Variants in PSMD12 observed in about 807,000 individuals in gnomAD.
The protein encoded by PSMD12 is proteasome 26S subunit, non-ATPase 12.
A neutral mutation model predicts 62.9 loss-of-function variants in PSMD12; 8 were observed. That is an observed-to-expected ratio of 0.13 (90% CI 0.07 to 0.23). The LOEUF (loss-of-function observed/expected upper bound fraction) is 0.23, where lower values mean the gene tolerates loss of function less well. Among genes scored for constraint, PSMD12 ranks in the 10% least tolerant of loss-of-function variants. The probability of loss-of-function intolerance (pLI) is 1.00; values close to 1 mark genes in which losing one functional copy is unlikely to be tolerated. For missense variants in PSMD12, 424 were observed against 550.2 expected (o/e 0.77, Z 2.29); for synonymous variants, 173 against 187.4 (o/e 0.92, Z 0.63).
At chr17:67,358,787 A>C (rs1253399845) in intron 1 of PSMD12, among the ~76,000 whole-genome samples, 4 of 152,152 alleles carry the variant, frequency 2.6e-5, no homozygotes, top group Non-Finnish European at 5.9e-5. Flanking sequence ...AAATGAAGGC[A>C]TCTGAGAACA....
intron 3 of PSMD12, among the ~76,000 whole-genome samples, chr17:67,350,942 G>A (rs113314548): frequency 0.021 from 3,146 of 152,222 alleles, 49 homozygotes; most frequent in Admixed American, 0.032. Context: ...AGTCTCTGTG[G>A]CAACTATTCA....
chr17:67,347,799 C>A lies in PSMD12; in HGVS notation c.511-314G>T, dbSNP rs895359178. 3.3e-5 allele frequency among the ~76,000 whole-genome samples: 5 copies of A among 152,156 alleles called. No individual in the cohort carries two copies. In the East Asian group the frequency reaches 9.6e-4, roughly 29 times the overall value. On this transcript the variant is annotated intron_variant, in intron 5 of 10. Coordinates refer to ENST00000356126, the MANE Select transcript of PSMD12 (RefSeq NM_002816.5). ...TCCCTTTATAATCACACACTTCCCC[C>A]ACTCATAAGCCCTCCTAAGACATCC...
At chr17:67,363,467 T>C (rs1208234125) in intron 1 of PSMD12, among the ~76,000 whole-genome samples, 1 of 152,186 alleles carries the variant, frequency 6.6e-6, no homozygotes, top group Non-Finnish European at 1.5e-5. Flanking sequence ...AAAAATGCCT[T>C]AAGGAAATTA....
intron 1 of PSMD12, among the ~76,000 whole-genome samples, chr17:67,365,084 G>A (rs1230630007): frequency 6.6e-6 from 1 of 151,776 alleles, no homozygotes; most frequent in Non-Finnish European, 1.5e-5. Context: ...CTCGGGAGGC[G>A]GAGGCAGGAG....
rs533064958 is a variant in PSMD12 at position 67,340,854 on chromosome 17, T to C, written c.1360A>G (p.Asn454Asp). ...AAGCACTAAGACCCTTATTGTAGAT[T>C]ATGTATCATCTCCTCTTTGGCTATG... ...HLIAKEEMIH[N>D]LQ Residue 454 changes from asparagine to aspartate, a missense_variant, in exon 11 of 11, where the codon AAT becomes GAT. Coordinates refer to ENST00000356126, the MANE Select transcript of PSMD12 (RefSeq NM_002816.5). 6.3e-7 allele frequency: 1 copy of C among 1,576,806 alleles called. No homozygotes were observed. Among genetic ancestry groups the C allele is most frequent in the East Asian group, 2.3e-5 (1 of 43,612 alleles).
Position 67,353,372 on chromosome 17 carries a change from T to A in PSMD12, c.298-3036A>T, listed in dbSNP as rs182048689. ...CTCTGTCGCCCAGGCTAGAGTGCGA[T>A]CTTGGCTCACTGCAGCTTCCGCCTC... On this transcript the variant is annotated intron_variant, in intron 3 of 10. Transcript: ENST00000356126. 1.5e-3 allele frequency among the ~76,000 whole-genome samples: 223 copies of A among 150,678 alleles called. 1 individual carries two copies. The highest frequency in any genetic ancestry group is 5.1e-3 in the African/African-American group (212 of 41,168).
chr17:67,355,841 T>G (rs745851517), intron 3 of PSMD12, among the ~76,000 whole-genome samples: 23 of 151,892 alleles, frequency 1.5e-4, no homozygotes, highest in Non-Finnish European at 2.9e-4. Context: ...CAAAAATAAG[T>G]TGGAAGCCGG....
chr17:67,354,333 CTA>C (rs1334450114), intron 3 of PSMD12, among the ~76,000 whole-genome samples: 1 of 151,794 alleles, frequency 6.6e-6, no homozygotes, highest in Non-Finnish European at 1.5e-5. Context: ...CTGCTTGAGC[CTA>C]TGAGATTGAG....
At chr17:67,347,694 A>T (rs2041981277) in intron 5 of PSMD12, among the ~76,000 whole-genome samples, 1 of 152,208 alleles carries the variant, frequency 6.6e-6, no homozygotes, top group Admixed American at 6.5e-5. Context: ...ATAAAATTCT[A>T]TGAATTTTAA....
rs776172270 is a variant in PSMD12 at position 67,342,248 on chromosome 17, C to T, written c.1099G>A (p.Ala367Thr). ...RVVEHNIRIM[A>T]KYYTRITMKR... Reference sequence around the variant, plus strand: ...ATTGTTATCCGAGTATAATACTTGGCCATTATTCTAATATTCTGGGGAGAG... The same window carrying T: ...ATTGTTATCCGAGTATAATACTTGGTCATTATTCTAATATTCTGGGGAGAG... The change falls in exon 10 of 11, where the codon GCC becomes ACC. Residue 367 changes from alanine (A) to threonine (T), a missense_variant. Physicochemically the swap from Ala to Thr is moderately conservative, Grantham distance 58 (BLOSUM62 0). Coordinates refer to ENST00000356126, the MANE Select transcript of PSMD12 (RefSeq NM_002816.5). The T allele has an allele frequency of 6.1e-5, 96 of 1,578,944 alleles. No individual in the cohort carries two copies. The highest frequency in any genetic ancestry group is 8.2e-5 in the Non-Finnish European group (94 of 1,148,686).
intron 3 of PSMD12, among the ~76,000 whole-genome samples, chr17:67,353,223 G>C (rs1598567734): frequency 6.6e-6 from 1 of 152,134 alleles, no homozygotes; most frequent in Non-Finnish European, 1.5e-5. Context: ...CCTTGGGCTC[G>C]AGTGACAGAC....
intron 8 of PSMD12, 97 bp downstream of exon 8, chr17:67,345,648 A>C: frequency 1.0e-6 from 1 of 968,802 alleles, no homozygotes; most frequent in Non-Finnish European, 1.6e-6. Context: ...ATCTCAAAAA[A>C]AGAAGTATAC....
At chr17:67,347,886 C>T (rs1393715205) in intron 5 of PSMD12, among the ~76,000 whole-genome samples, 1 of 152,182 alleles carries the variant, frequency 6.6e-6, no homozygotes, top group Non-Finnish European at 1.5e-5. Context: ...TAGTATGTAA[C>T]TCTTTGAGGC....
At chr17:67,355,100 T>C (rs972349831) in intron 3 of PSMD12, among the ~76,000 whole-genome samples, 3 of 150,066 alleles carry the variant, frequency 2.0e-5, no homozygotes, top group Non-Finnish European at 3.0e-5. Context: ...TTTTTTTTTT[T>C]TTTTTTTTGG....
intron 1 of PSMD12, among the ~76,000 whole-genome samples, chr17:67,365,648 C>CCTTTCT (rs972561281): frequency 1.3e-5 from 2 of 152,154 alleles, no homozygotes; most frequent in African/African-American, 4.8e-5. Flanking sequence ...AACTTTATCA[C>CCTTTCT]CTTTCTCCAT....
intron 4 of PSMD12, among the ~76,000 whole-genome samples, chr17:67,349,962 A>AT (rs946012255): frequency 1.2e-4 from 19 of 152,068 alleles, no homozygotes; most frequent in African/African-American, 4.3e-4. Context: ...ATTTTTATTC[A>AT]TTTTTTTTAA....
chr17:67,363,587 A>G (rs1291281713), intron 1 of PSMD12, among the ~76,000 whole-genome samples: 1 of 152,188 alleles, frequency 6.6e-6, no homozygotes, highest in African/African-American at 2.4e-5. Flanking sequence ...AGCTGCCTGA[A>G]GCTTAAATTT....
At chr17:67,360,798 T>C (rs1567961205) in intron 1 of PSMD12, among the ~76,000 whole-genome samples, 1 of 152,238 alleles carries the variant, frequency 6.6e-6, no homozygotes, top group Non-Finnish European at 1.5e-5. Context: ...CTGATCTGTA[T>C]TCAGTTGATC....
chr17:67,363,641 G>A (rs140827121), intron 1 of PSMD12, among the ~76,000 whole-genome samples: 27 of 152,190 alleles, frequency 1.8e-4, no homozygotes, highest in African/African-American at 4.8e-4. Context: ...AGTTTGATGG[G>A]CTCAAAATAA....
Sources: gnomAD v4.1 joint callset for allele counts (sites outside exome capture counted in the v4.1 genomes callset) on GRCh38, gnomAD v4.1.1 for gene constraint, MANE v1.5 for transcripts, NCBI Gene and HGNC (gene_info 2026-07-23, HGNC 2026-07-21) for gene names.